Variants in FSTL4 observed in about 807,000 individuals in gnomAD.
The protein encoded by FSTL4 is follistatin-related protein 4.
A neutral mutation model predicts 78.2 loss-of-function variants in FSTL4; 28 were observed. The ratio of observed to expected loss-of-function variants is 0.36; its 90% CI spans 0.27 to 0.49. FSTL4 has a LOEUF of 0.49. Among genes scored for constraint, FSTL4 ranks in the 20% least tolerant of loss-of-function variants. FSTL4 has a pLI of 0.98. For synonymous variants in FSTL4, 422 were observed against 440.5 expected, an observed-to-expected ratio of 0.96 and a Z score of 0.53; for missense variants, 922 against 1,084.9, an observed-to-expected ratio of 0.85 and a Z score of 2.11.
At chr5:133,491,759 T>C (rs1758271450) in intron 3 of FSTL4, among the ~76,000 whole-genome samples, 1 of 152,232 alleles carries the variant, frequency 6.6e-6, no homozygotes, top group Non-Finnish European at 1.5e-5. Flanking sequence ...ATTTCAAATT[T>C]TGTGCCATTA....
chr5:133,733,501 G>A, the FSTL4 span, among the ~76,000 whole-genome samples: 1 of 152,164 alleles, frequency 6.6e-6, no homozygotes, highest in Admixed American at 6.5e-5. Context: ...TCAGGAAATA[G>A]AAAAGGCAGA....
intron 7 of FSTL4, among the ~76,000 whole-genome samples, chr5:133,238,777 CG>C (rs1299860674): frequency 6.6e-6 from 1 of 152,234 alleles, no homozygotes; most frequent in Admixed American, 6.5e-5. Context: ...ACTGAGGTTA[CG>C]GCGACATTCA....
At chr5:133,684,402 A>G in the FSTL4 span, among the ~76,000 whole-genome samples, 2 of 152,166 alleles carry the variant, frequency 1.3e-5, no homozygotes, top group South Asian at 4.1e-4. Context: ...CAAGTGATTC[A>G]GCCTGGACTC....
At chr5:133,287,868 G>A (rs531666079) in intron 6 of FSTL4, among the ~76,000 whole-genome samples, 17 of 152,288 alleles carry the variant, frequency 1.1e-4, no homozygotes, top group African/African-American at 3.8e-4. Context: ...ACCTCCTCCA[G>A]GGAGCCTGCC....
chr5:133,665,402 T>G, the FSTL4 span, among the ~76,000 whole-genome samples: 1 of 152,206 alleles, frequency 6.6e-6, no homozygotes, highest in Non-Finnish European at 1.5e-5. Context: ...TTTAAATGCC[T>G]GGGCCTGGAT....
chr5:133,580,922 G>A (rs955545666), intron 2 of FSTL4, among the ~76,000 whole-genome samples: 6 of 152,122 alleles, frequency 3.9e-5, no homozygotes, highest in African/African-American at 1.2e-4. Context: ...AATCTGCACA[G>A]CCCCCAGAGG....
intron 4 of FSTL4, among the ~76,000 whole-genome samples, chr5:133,398,981 G>C (rs1236520834): frequency 6.6e-6 from 1 of 152,166 alleles, no homozygotes; most frequent in Non-Finnish European, 1.5e-5. Flanking sequence ...TCTGCTCAAG[G>C]CTGCCTGCCC....
chr5:133,400,881 C>T lies in FSTL4; in HGVS notation c.266G>A (p.Cys89Tyr), dbSNP rs1368474418. Residue 89 changes from cysteine (C) to tyrosine (Y), a missense_variant, in exon 4 of 16, where the codon TGC (cysteine) becomes TAC (tyrosine). By Grantham distance (194) the Cys-to-Tyr change is radical (BLOSUM62 -2). Coordinates refer to ENST00000265342, the MANE Select transcript of FSTL4 (RefSeq NM_015082.2). ...SRKTGEPECQCLEACRPSYVP... is the reference protein window; with the variant it reads ...SRKTGEPECQYLEACRPSYVP... Reference sequence around the variant, plus strand: ...GTAGCTGGGCCTGCATGCCTCCAGGCACTGGCATTCGGGCTCCCCTGTCTT... The same window carrying T: ...GTAGCTGGGCCTGCATGCCTCCAGGTACTGGCATTCGGGCTCCCCTGTCTT... 6.2e-7 allele frequency: 1 copy of T among 1,613,944 alleles called. No homozygotes were observed.
chr5:133,315,774 C>A (rs1753889233), intron 5 of FSTL4, among the ~76,000 whole-genome samples: 1 of 152,148 alleles, frequency 6.6e-6, no homozygotes, highest in South Asian at 2.1e-4. Flanking sequence ...AGCTTTTCTA[C>A]CATCAGGACC....
intron 6 of FSTL4, chr5:133,275,864 A>C (rs1358449464): frequency 6.6e-6 from 1 of 152,224 alleles, no homozygotes; most frequent in Non-Finnish European, 1.5e-5. Context: ...AGGTAGCAGA[A>C]AACCCTGGAG....
intron 5 of FSTL4, among the ~76,000 whole-genome samples, chr5:133,315,018 T>G (rs1459583961): frequency 6.6e-6 from 1 of 152,028 alleles, no homozygotes; most frequent in African/African-American, 2.4e-5. Flanking sequence ...AAAAATTAGC[T>G]GGGTGTGGTG....
Position 133,337,438 on chromosome 5 carries a change from G to A in FSTL4, c.410-20786C>T, listed in dbSNP as rs143390887. 2.3e-3 allele frequency among the ~76,000 whole-genome samples: 345 copies of A among 152,256 alleles called. 1 individual carries two copies. The highest frequency in any genetic ancestry group is 8.0e-3 in the African/African-American group (332 of 41,542). ...GCTTGTTTAATTGGGGTGCATTAGCGCTGAATTGGAGCCCGAGGCTTCTTC... is the reference window on the plus strand; with the variant it reads ...GCTTGTTTAATTGGGGTGCATTAGCACTGAATTGGAGCCCGAGGCTTCTTC... On this transcript the variant is annotated intron_variant, in intron 4 of 15. Transcript: ENST00000265342.
intron 3 of FSTL4, among the ~76,000 whole-genome samples, chr5:133,507,523 A>ATT (rs35891659): frequency 2.9e-5 from 4 of 136,204 alleles, no homozygotes; most frequent in Non-Finnish European, 1.6e-5. Context: ...ACTTGAAAGC[A>ATT]TTTTTTTTTT....
chr5:133,405,663 G>A (rs1207044899), intron 3 of FSTL4, among the ~76,000 whole-genome samples: 3 of 152,176 alleles, frequency 2.0e-5, no homozygotes, highest in East Asian at 3.9e-4. Context: ...ATTCTTCCCC[G>A]CTTTAAGATA....
chr5:133,811,796 GTAAATGTCACA>G, the FSTL4 span, among the ~76,000 whole-genome samples: 2 of 152,186 alleles, frequency 1.3e-5, no homozygotes, highest in African/African-American at 4.8e-5. Flanking sequence ...ATCTGCAGTT[GTAAATGTCACA>G]TAGGTGCCCA....
At chr5:133,281,524 C>A (rs1370037932) in intron 6 of FSTL4, among the ~76,000 whole-genome samples, 3 of 152,122 alleles carry the variant, frequency 2.0e-5, no homozygotes, top group Non-Finnish European at 2.9e-5. Flanking sequence ...CTGCCCAGCT[C>A]TGCAGGATTC....
At chr5:133,797,274 A>G in the FSTL4 span, among the ~76,000 whole-genome samples, 18 of 152,224 alleles carry the variant, frequency 1.2e-4, no homozygotes, top group African/African-American at 3.4e-4. Flanking sequence ...GGGGCTTCCA[A>G]GTTTAGGTGG....
intron 4 of FSTL4, among the ~76,000 whole-genome samples, chr5:133,335,660 C>T (rs1354375345): frequency 1.3e-5 from 2 of 148,956 alleles, no homozygotes; most frequent in African/African-American, 5.0e-5. Context: ...CTTCCCTGAA[C>T]AGCTCTCCCC....
At chr5:133,821,832 G>C in the FSTL4 span, among the ~76,000 whole-genome samples, 1 of 152,182 alleles carries the variant, frequency 6.6e-6, no homozygotes, top group Non-Finnish European at 1.5e-5. Flanking sequence ...AGATACCAGA[G>C]AAAAGGAGAC....
Sources: allele counts gnomAD v4.1 joint callset (sites outside exome capture counted in the v4.1 genomes callset), GRCh38; gene constraint gnomAD v4.1.1; transcripts MANE v1.5; gene names NCBI Gene and HGNC (gene_info 2026-07-23, HGNC 2026-07-21).